Variants in TFEB observed in about 807,000 individuals in gnomAD.
The protein encoded by TFEB is transcription factor EB.
A neutral mutation model predicts 48.0 loss-of-function variants in TFEB; 12 were observed. That is an observed-to-expected ratio of 0.25 (90% CI 0.16 to 0.40). TFEB has a LOEUF of 0.40. TFEB is among the 10% of genes least tolerant of loss of function. The probability of loss-of-function intolerance (pLI) is 1.00; values close to 1 mark genes in which losing one functional copy is unlikely to be tolerated. For synonymous variants in TFEB, 244 were observed against 261.4 expected (o/e 0.93, Z 0.64); for missense variants, 509 against 640.3 (o/e 0.79, Z 2.21).
upstream of TFEB, chr6:41,736,165 T>C (rs779479171): frequency 2.5e-6 from 4 of 1,612,804 alleles, no homozygotes; most frequent in African/African-American, 4.0e-5. Context: ...CTTGCTGTCA[T>C]GTTGCTGGAC....
chr6:41,685,017 A>C lies in TFEB; in HGVS notation c.1013T>G (p.Met338Arg), dbSNP rs1768925046. 3.9e-6 allele frequency: 6 copies of C among 1,523,950 alleles called. No homozygotes were observed. The East Asian group carries it at 1.5e-4, about 37-fold the overall frequency. 94.4% of individuals were successfully genotyped at this position (1,523,950 alleles called of 1,614,324 possible). The change falls in exon 9 of 9, where the codon ATG (methionine) becomes AGG (arginine). Residue 338 changes from methionine (M) to arginine (R), a missense_variant. Physicochemically the swap from Met to Arg is moderately conservative, Grantham distance 91 (BLOSUM62 -1). This residue lies in a region of TFEB where 62 missense variants were observed against 90.2 expected (regional missense o/e 0.69). Transcript: ENST00000373033. ...LPTTSPSGMN[M>R]AELAQQVVKQ... is the part of the protein sequence containing the mutation. ...CACCACCTGCTGGGCCAGCTCAGCC[A>C]TGTTCATGCCGGACGGGGAGGTGGT...
At chr6:41,711,670 G>C (rs1770482427) in intron 1 of TFEB, among the ~76,000 whole-genome samples, 1 of 152,222 alleles carries the variant, frequency 6.6e-6, no homozygotes, top group African/African-American at 2.4e-5. Flanking sequence ...TGGGCTGTTG[G>C]AGAAGGGAGG....
rs1768878960 is a variant in TFEB at position 41,684,470 on chromosome 6, A to G, written c.*129T>C. The stretch of plus-strand genomic sequence containing the variant: ...AGGCACTAAGTCCAAACAGGGGCCA[A>G]CGGGGAGGAGGGAGGCAGGGCAGGT... On this transcript the variant is annotated 3_prime_UTR_variant, in exon 9 of 9. Coordinates refer to ENST00000373033, the MANE Select transcript of TFEB (RefSeq NM_001271944.2). 8.2e-7 allele frequency: 1 copy of G among 1,220,982 alleles called. No homozygotes were observed. The highest frequency in any genetic ancestry group is 3.5e-5 in the Admixed American group (1 of 28,222). The allele number at this position is 1,220,982 out of a possible 1,614,324, so 75.6% of individuals were successfully genotyped here. A position where few individuals can be genotyped will look rare whatever the true frequency, so the allele number is the denominator to read the frequency against.
intron 1 of TFEB, among the ~76,000 whole-genome samples, chr6:41,692,787 C>T (rs190115501): frequency 2.7e-4 from 41 of 152,308 alleles, no homozygotes; most frequent in Middle Eastern, 6.8e-3. Context: ...GTGTCCAGAC[C>T]CCATGAAGGT....
At chr6:41,694,048 G>T (rs1183947318) in intron 1 of TFEB, among the ~76,000 whole-genome samples, 1 of 152,126 alleles carries the variant, frequency 6.6e-6, no homozygotes, top group Non-Finnish European at 1.5e-5. Context: ...CCTGGTGGGG[G>T]TGTGGGCACC....
At chr6:41,690,135 C>CTT (rs58821024) in intron 3 of TFEB, among the ~76,000 whole-genome samples, 1 of 145,838 alleles carries the variant, frequency 6.9e-6, no homozygotes, top group African/African-American at 2.5e-5. Flanking sequence ...TTTCTTTTTT[C>CTT]TTTTTTTTTT....
At chr6:41,693,844 C>A (rs1203714450) in intron 1 of TFEB, among the ~76,000 whole-genome samples, 2 of 152,172 alleles carry the variant, frequency 1.3e-5, no homozygotes, top group Non-Finnish European at 2.9e-5. Flanking sequence ...TTGCCCACCC[C>A]CTTCCTATGC....
chr6:41,698,994 C>G (rs901815329), intron 1 of TFEB, among the ~76,000 whole-genome samples: 1 of 152,148 alleles, frequency 6.6e-6, no homozygotes, highest in Non-Finnish European at 1.5e-5. Context: ...CAGACCCAAA[C>G]AGAGTGAGGG....
intron 1 of TFEB, among the ~76,000 whole-genome samples, chr6:41,700,699 T>A (rs1015989422): frequency 8.0e-5 from 12 of 150,636 alleles, no homozygotes; most frequent in Non-Finnish European, 1.6e-4. Flanking sequence ...CAGCAGGAGG[T>A]GGGGAGGAGG....
At chr6:41,719,804 T>C (rs1770899908) in intron 1 of TFEB, among the ~76,000 whole-genome samples, 1 of 152,128 alleles carries the variant, frequency 6.6e-6, no homozygotes, top group South Asian at 2.1e-4. Context: ...AGATTTGAAC[T>C]CTAGTATCCC....
chr6:41,725,671 T>G (rs1771174871), intron 1 of TFEB, among the ~76,000 whole-genome samples: 1 of 152,230 alleles, frequency 6.6e-6, no homozygotes, highest in African/African-American at 2.4e-5. Flanking sequence ...TTTTGAGCAC[T>G]CTCAATATAT....
Position 41,684,938 on chromosome 6 carries a change from A to G in TFEB, c.1092T>C (p.Ala364=). The change falls in exon 9 of 9, where the codon GCT becomes GCC. Residue 364 remains alanine (A), a synonymous_variant. Transcript: ENST00000373033. The part of the protein sequence containing the change: ...EGPGEALMLG[A]EVPDPEPLPA... Reference sequence around the variant, plus strand: ...GCAGTGGCTCAGGGTCAGGGACCTCAGCCCCCAGCATCAGGGCCTCCCCTG... The same window carrying G: ...GCAGTGGCTCAGGGTCAGGGACCTCGGCCCCCAGCATCAGGGCCTCCCCTG... The G allele has an allele frequency of 6.3e-7, 1 of 1,586,818 alleles. No homozygotes were observed. The highest frequency in any genetic ancestry group is 8.6e-7 in the Non-Finnish European group (1 of 1,166,664).
chr6:41,734,392 T>C lies in TFEB; in HGVS notation c.-23+958A>G, dbSNP rs1055523076. 1 of 984,192 alleles carries C rather than the reference T, an allele frequency of 1.0e-6. No homozygotes were observed. Among genetic ancestry groups the C allele is most frequent in the Non-Finnish European group, 1.2e-6 (1 of 829,618 alleles). The allele number at this position is 984,192 out of a possible 1,614,324, so 61.0% of individuals were successfully genotyped here. A position where few individuals can be genotyped will look rare whatever the true frequency, so the allele number is the denominator to read the frequency against. On this transcript the variant is annotated intron_variant, in intron 1 of 8. Coordinates refer to ENST00000373033, the MANE Select transcript of TFEB (RefSeq NM_001271944.2). This position sits in a 1 kb window ranked among gnomAD's most constrained non-coding sequence, Gnocchi z 4.0. ...AGCCCGGAGCAGCTCGGGGCAGCCG[T>C]GCGTGAAGCCGGAACCCCGCGCGGG...
intron 1 of TFEB, among the ~76,000 whole-genome samples, chr6:41,699,573 C>T (rs1434119748): frequency 6.6e-6 from 1 of 152,220 alleles, no homozygotes; most frequent in Non-Finnish European, 1.5e-5. Context: ...TCATTCACTG[C>T]AGGAGATGAG....
In TFEB at chr6:41,725,823, C is replaced by G. The variant is rs913676882; in HGVS notation, c.-23+9527G>C. On this transcript the variant is annotated intron_variant, in intron 1 of 8. Transcript: ENST00000373033. Reference sequence around the variant, plus strand: ...AGGATGAGACATGTTACACACTCACCATCATGGCAGAAATTAAACTAACAA... The same window carrying G: ...AGGATGAGACATGTTACACACTCACGATCATGGCAGAAATTAAACTAACAA... 6.6e-5 allele frequency among the ~76,000 whole-genome samples: 10 copies of G among 152,350 alleles called. No homozygotes were observed. In the South Asian group the frequency reaches 2.1e-3, roughly 32 times the overall value.
rs1193206435 is a variant in TFEB, at chr6:41,732,874, A to T, written c.-23+2476T>A. ...GTCATCTCCAGGGCAGCCCCAAGCC[A>T]GGCCCCAAGTGCTGACTGCCCTCCA... On this transcript the variant is annotated intron_variant, in intron 1 of 8. Coordinates refer to ENST00000373033, the MANE Select transcript of TFEB (RefSeq NM_001271944.2). 4.1e-6 allele frequency: 4 copies of T among 985,660 alleles called. No individual in the cohort carries two copies. The African/African-American group carries it at 7.0e-5, about 17-fold the overall frequency. The allele number at this position is 985,660 out of a possible 1,614,324, so 61.1% of individuals were successfully genotyped here. A position where few individuals can be genotyped will look rare whatever the true frequency, so the allele number is the denominator to read the frequency against.
intron 1 of TFEB, among the ~76,000 whole-genome samples, chr6:41,700,939 G>GA (rs1229423467): frequency 6.6e-6 from 1 of 152,250 alleles, no homozygotes; most frequent in Non-Finnish European, 1.5e-5. Context: ...GTCCCACTGG[G>GA]ACCAGCTGGG....
intron 1 of TFEB, among the ~76,000 whole-genome samples, chr6:41,707,668 G>C (rs1053364565): frequency 6.6e-6 from 1 of 152,202 alleles, no homozygotes; most frequent in African/African-American, 2.4e-5. Flanking sequence ...CTGGGGATGG[G>C]AACAGGTGGA....
chr6:41,725,024 C>T (rs545523607), intron 1 of TFEB, among the ~76,000 whole-genome samples: 1 of 152,366 alleles, frequency 6.6e-6, no homozygotes, highest in South Asian at 2.1e-4. Flanking sequence ...CCATCTCCCC[C>T]ATCCTGACAA....
Sources: allele counts gnomAD v4.1 joint callset (sites outside exome capture counted in the v4.1 genomes callset), GRCh38; gene constraint gnomAD v4.1.1; regional missense constraint gnomAD v4.1.1; non-coding constraint Gnocchi (gnomAD v3.1); transcripts MANE v1.5; gene names NCBI Gene and HGNC (gene_info 2026-07-23, HGNC 2026-07-21).